Variants in MR1 observed in about 807,000 individuals in gnomAD.
MR1 encodes major histocompatibility complex class I-related protein 1.
MR1 carries 44 observed loss-of-function variants against 37.8 expected under a neutral mutation model. The ratio of observed to expected loss-of-function variants is 1.16; its 90% confidence interval spans 0.91 to 1.50. The LOEUF (loss-of-function observed/expected upper bound fraction) is 1.50. Ranked by LOEUF, MR1 falls within the 40% of genes most tolerant of loss-of-function variation. MR1 has a pLI of 0.00. For synonymous variants in MR1, 153 were observed against 155.8 expected (o/e 0.98, Z 0.13); for missense variants, 386 against 419.1 (o/e 0.92, Z 0.69).
intron 1 of MR1, 110 bp from the exon 2 acceptor site, chr1:181,048,942 G>A: frequency 7.2e-7 from 1 of 1,396,622 alleles, no homozygotes; most frequent in Non-Finnish European, 9.8e-7. Context: ...GGGGCGTGGA[G>A]GCCTGGGTAC....
intron 1 of MR1, among the ~76,000 whole-genome samples, chr1:181,042,609 C>T (rs975064007): frequency 2.0e-5 from 3 of 151,312 alleles, no homozygotes; most frequent in African/African-American, 7.3e-5. Context: ...CAAGACCAGC[C>T]TGGCCAACGT....
chr1:181,039,587 C>T (rs561695304), intron 1 of MR1, among the ~76,000 whole-genome samples: 8 of 152,208 alleles, frequency 5.3e-5, no homozygotes, highest in South Asian at 4.2e-4. Flanking sequence ...CCCATGAGGC[C>T]GGGCGCGGTG....
rs960822940 is a variant in MR1 at position 181,053,738 on chromosome 1, A to AT, written c.985+65dup. 2.7e-5 allele frequency: 33 copies of AT among 1,221,144 alleles called. No individual in the cohort carries two copies. The Admixed American group carries it at 4.4e-4, about 16-fold the overall frequency. 75.6% of individuals were successfully genotyped at this position (1,221,144 alleles called of 1,614,324 possible). ...GACTCTCCTGCATCTCTCCAGTTTT[A>AT]TTTTCTGCACCTGCTGCTCCCTCCT... On this transcript the variant is annotated intron_variant, in intron 5 of 5. Coordinates refer to ENST00000367580, the MANE Select transcript of MR1 (RefSeq NM_001385161.1).
rs753505165 is a variant in MR1 at position 181,053,566 on chromosome 1, C to T, written c.881-7C>T. ...TTGTGGATTTTTTCTCATTTGCTTG[C>T]TTTCAGAATCAGAAACTATCCCTCT... is the stretch of plus-strand genomic sequence containing the variant. On this transcript the variant is annotated splice_region_variant and splice_polypyrimidine_tract_variant and intron_variant, in intron 4 of 5. Coordinates refer to ENST00000367580, the MANE Select transcript of MR1 (RefSeq NM_001385161.1). 1.9e-6 allele frequency: 3 copies of T among 1,607,088 alleles called. No homozygotes were observed. Among genetic ancestry groups the T allele is most frequent in the Non-Finnish European group, 2.6e-6 (3 of 1,173,806 alleles).
rs1244537849 is a variant in MR1 at position 181,050,070 on chromosome 1, G to A, written c.388G>A (p.Gly130Arg). ...CELLEDGSTT[G>R]FLQYAYDGQD... ...GCTGCTGGAGGATGGAAGCACCACA[G>A]GATTTCTGCAGTATGCATATGACGG... The change falls in exon 3 of 6, where the codon GGA becomes AGA. Residue 130 changes from glycine to arginine, a missense_variant. Physicochemically the swap from Gly to Arg is moderately radical, Grantham distance 125 (BLOSUM62 -2). Transcript: ENST00000367580. 1.2e-6 allele frequency: 2 copies of A among 1,613,866 alleles called. No individual in the cohort carries two copies. Among genetic ancestry groups the A allele is most frequent in the African/African-American group, 1.3e-5 (1 of 75,042 alleles).
intron 1 of MR1, among the ~76,000 whole-genome samples, chr1:181,037,794 A>G (rs1411479): frequency 0.72 from 108,871 of 152,070 alleles, 39,333 homozygotes; most frequent in African/African-American, 0.79. Context: ...TGGGAAACAT[A>G]AGACATATAG....
chr1:181,055,469 C>G lies in MR1; in HGVS notation c.*204C>G. 1.7e-6 allele frequency: 1 copy of G among 574,702 alleles called. No individual in the cohort carries two copies. The highest frequency in any genetic ancestry group is 3.1e-6 in the Non-Finnish European group (1 of 324,458). The allele number at this position is 574,702 out of a possible 1,614,324, so 35.6% of individuals were successfully genotyped here. A position where few individuals can be genotyped will look rare whatever the true frequency, so the allele number is the denominator to read the frequency against. ...TCCAAAAAGACTGTCAGCTTTCAGTCTCTTTTGATGGACTGTTTTATCAGA... is the reference window on the plus strand; with the variant it reads ...TCCAAAAAGACTGTCAGCTTTCAGTGTCTTTTGATGGACTGTTTTATCAGA... On this transcript the variant is annotated 3_prime_UTR_variant, in exon 6 of 6. Transcript: ENST00000367580.
In MR1 at chr1:181,053,671, C is replaced by G. The variant is rs757845823; in HGVS notation, c.979C>G (p.Pro327Ala). 1 of 1,610,718 alleles carries G rather than the reference C, an allele frequency of 6.2e-7. No individual in the cohort carries two copies. The highest frequency in any genetic ancestry group is 1.7e-5 in the Admixed American group (1 of 59,998). Reference sequence around the variant, plus strand: ...TGGTGTTCTAGTCTGGAGAAGAAGGCCCCGAGGTGAGAGGCACATGGAAGG... The same window carrying G: ...TGGTGTTCTAGTCTGGAGAAGAAGGGCCCGAGGTGAGAGGCACATGGAAGG... ...GVGVLVWRRR[P>A]REQNGAIYLP... is the part of the protein sequence containing the mutation. The change falls in exon 5 of 6, where the codon CCC becomes GCC. Residue 327 changes from proline (P) to alanine (A), a missense_variant. By Grantham distance (27) the Pro-to-Ala change is conservative (BLOSUM62 -1). Coordinates refer to ENST00000367580, the MANE Select transcript of MR1 (RefSeq NM_001385161.1).
intron 1 of MR1, among the ~76,000 whole-genome samples, chr1:181,041,011 G>A (rs1036084750): frequency 1.1e-4 from 17 of 152,008 alleles, no homozygotes; most frequent in Non-Finnish European, 2.1e-4. Context: ...GAACCTGGGA[G>A]GCAGAGGTTG....
intron 3 of MR1, 194 bp downstream of exon 3, chr1:181,050,480 G>T (rs1439446535): frequency 1.5e-6 from 1 of 660,204 alleles, no homozygotes; most frequent in East Asian, 2.9e-5. Context: ...AGATTTGACA[G>T]TTCCCCTTGT....
rs1326372519 is a variant in MR1 at position 181,060,942 on chromosome 1, ACACT to A, written c.*5680_*5683del. 2.0e-5 allele frequency: 3 copies of A among 152,210 alleles called. No individual in the cohort carries two copies. Among genetic ancestry groups the A allele is most frequent in the African/African-American group, 7.2e-5 (3 of 41,432 alleles). 9.4% of individuals were successfully genotyped at this position (152,210 alleles called of 1,614,324 possible). The stretch of plus-strand genomic sequence containing the variant: ...TCCCCTGGATATAAGATTTCTGAAA[ACACT>A]CAGACTGTGGAGACCCCTGCTGAGG... On this transcript the variant is annotated 3_prime_UTR_variant, in exon 6 of 6. Transcript: ENST00000367580.
intron 1 of MR1, among the ~76,000 whole-genome samples, chr1:181,039,683 TG>T (rs1336435655): frequency 1.3e-5 from 2 of 151,958 alleles, no homozygotes; most frequent in Non-Finnish European, 2.9e-5. Flanking sequence ...CTGACCAACA[TG>T]GTGAAACCCT....
chr1:181,034,756 C>T (rs888095743), intron 1 of MR1, among the ~76,000 whole-genome samples: 7 of 152,128 alleles, frequency 4.6e-5, no homozygotes, highest in African/African-American at 1.7e-4. Flanking sequence ...TAGACTTGGC[C>T]ACCACCATAG....
chr1:181,052,957 C>A (rs1216923359), intron 4 of MR1, among the ~76,000 whole-genome samples: 1 of 151,948 alleles, frequency 6.6e-6, no homozygotes, highest in Non-Finnish European at 1.5e-5. Flanking sequence ...ATCCCAGCTC[C>A]TGGAGGCTGA....
chr1:181,052,105 G>C, intron 3 of MR1, 130 bp from the exon 4 acceptor site: 1 of 1,039,532 alleles, frequency 9.6e-7, no homozygotes, highest in Non-Finnish European at 1.4e-6. Flanking sequence ...ATGAACCTGA[G>C]TTCTGGGTCA....
rs1658849424 is a variant in MR1, at chr1:181,060,520, A to C, written c.*5255A>C. 1 of 152,240 alleles carries C rather than the reference A, an allele frequency of 6.6e-6. No individual in the cohort carries two copies. The allele number at this position is 152,240 out of a possible 1,614,324, so 9.4% of individuals were successfully genotyped here. On this transcript the variant is annotated 3_prime_UTR_variant, in exon 6 of 6. Transcript: ENST00000367580. ...AAATGAATTCACCGCAACTACAGTG[A>C]GACTGACTACCTTAGCTTACCTCTG...
chr1:181,051,259 A>G (rs1330737507), intron 3 of MR1: 1 of 151,392 alleles, frequency 6.6e-6, no homozygotes, highest in East Asian at 1.9e-4. Flanking sequence ...TAAAAAAACA[A>G]ACAAAAAAAA....
intron 1 of MR1, among the ~76,000 whole-genome samples, chr1:181,044,432 G>C (rs1657746165): frequency 1.3e-5 from 2 of 152,230 alleles, no homozygotes; most frequent in Admixed American, 6.5e-5. Context: ...AATCTGGAAA[G>C]ACTGGGGAAG....
chr1:181,038,338 G>A (rs1167010801), intron 1 of MR1, among the ~76,000 whole-genome samples: 1 of 152,154 alleles, frequency 6.6e-6, no homozygotes, highest in African/African-American at 2.4e-5. Context: ...CATGAACATG[G>A]CCTGAGATGT....
Sources: allele counts gnomAD v4.1 joint callset (sites outside exome capture counted in the v4.1 genomes callset), GRCh38; gene constraint gnomAD v4.1.1; transcripts MANE v1.5; gene names NCBI Gene and HGNC (gene_info 2026-07-23, HGNC 2026-07-21).